The following FAM89A variants were observed in gnomAD, a reference collection of about 807,000 sequenced individuals.
FAM89A encodes protein FAM89A.
Under a neutral mutation model 7.1 loss-of-function variants are expected in FAM89A, and 10 were observed. That is an observed-to-expected ratio of 1.40 (90% CI 0.86 to 2.38). The LOEUF is 2.38. Ranked by LOEUF, FAM89A falls within the 30% of genes most tolerant of loss-of-function variation. The pLI is 0.00. For synonymous variants in FAM89A, 157 were observed against 129.3 expected (o/e 1.21, Z -1.45); for missense variants, 276 against 262.8 (o/e 1.05, Z -0.35).
At chr1:231,022,290 T>C in intron 1 of FAM89A, 1 of 696,146 alleles carries the variant, frequency 1.4e-6, no homozygotes, top group Non-Finnish European at 2.6e-6. Flanking sequence ...CCACGTCTGA[T>C]ATGTAAACTG....
intron 1 of FAM89A, among the ~76,000 whole-genome samples, chr1:231,023,763 C>G (rs905465309): frequency 1.3e-4 from 20 of 152,176 alleles, no homozygotes; most frequent in Admixed American, 5.2e-4. Flanking sequence ...ATCCTCAGCT[C>G]CCATCATTGT....
chr1:231,021,037 T>C (rs531837145), intron 1 of FAM89A, among the ~76,000 whole-genome samples: 4 of 152,256 alleles, frequency 2.6e-5, no homozygotes, highest in Admixed American at 2.6e-4. Flanking sequence ...CACCCGGGGA[T>C]CTTGTTCAAC....
At chr1:231,028,465 A>G (rs1680009731) in intron 1 of FAM89A, 2 of 152,262 alleles carry the variant, frequency 1.3e-5, no homozygotes, top group Non-Finnish European at 2.9e-5. Context: ...TCACCCTTCC[A>G]GAAAAAGAGT....
chr1:231,025,837 TGA>T (rs1358692068), intron 1 of FAM89A, among the ~76,000 whole-genome samples: 20 of 152,072 alleles, frequency 1.3e-4, no homozygotes, highest in South Asian at 6.3e-4. Flanking sequence ...AGTACCCAGA[TGA>T]TGCTGATGCT....
At chr1:231,027,516 G>A (rs983964914) in intron 1 of FAM89A, among the ~76,000 whole-genome samples, 4 of 152,126 alleles carry the variant, frequency 2.6e-5, no homozygotes, top group Admixed American at 2.6e-4. Context: ...CTGTCTTCAG[G>A]CACCAGACTA....
intron 1 of FAM89A, among the ~76,000 whole-genome samples, chr1:231,020,392 C>T (rs1307818152): frequency 6.6e-6 from 1 of 152,182 alleles, no homozygotes; most frequent in African/African-American, 2.4e-5. Context: ...CCCTGGCGCT[C>T]CTGAGTGTGC....
chr1:231,029,795 A>G (rs1201320941), intron 1 of FAM89A, among the ~76,000 whole-genome samples: 1 of 152,242 alleles, frequency 6.6e-6, no homozygotes, highest in East Asian at 1.9e-4. Flanking sequence ...ATGAATGAGT[A>G]AGTATATACA....
At chr1:231,033,536 C>T (rs988543869) in intron 1 of FAM89A, among the ~76,000 whole-genome samples, 1 of 152,174 alleles carries the variant, frequency 6.6e-6, no homozygotes, top group Non-Finnish European at 1.5e-5. Context: ...GAGACCAGGA[C>T]CCAGAGCAGG....
intron 1 of FAM89A, among the ~76,000 whole-genome samples, 184 bp downstream of exon 1, chr1:231,039,737 A>G (rs1354827598): frequency 6.6e-6 from 1 of 151,974 alleles, no homozygotes; most frequent in Admixed American, 6.5e-5. Context: ...GGGGGTTCCA[A>G]TCGTGGGCAC....
chr1:231,030,250 T>C (rs551024252), intron 1 of FAM89A, among the ~76,000 whole-genome samples: 1 of 152,312 alleles, frequency 6.6e-6, no homozygotes, highest in South Asian at 2.1e-4. Context: ...TAAAGCGCCA[T>C]CAGGATTCAG....
intron 1 of FAM89A, among the ~76,000 whole-genome samples, chr1:231,032,145 T>C (rs566212650): frequency 6.6e-6 from 1 of 152,388 alleles, no homozygotes; most frequent in South Asian, 2.1e-4. Flanking sequence ...TTTAGCTGTA[T>C]GAAGATTTAA....
At chr1:231,033,013 C>T (rs761495552) in intron 1 of FAM89A, among the ~76,000 whole-genome samples, 1 of 152,248 alleles carries the variant, frequency 6.6e-6, no homozygotes, top group East Asian at 1.9e-4. Context: ...GGAAAGGCCA[C>T]ATGTCTTAAT....
At chr1:231,038,417 G>A (rs1014745221) in intron 1 of FAM89A, among the ~76,000 whole-genome samples, 4 of 152,166 alleles carry the variant, frequency 2.6e-5, no homozygotes, top group African/African-American at 7.2e-5. Context: ...CGGCCCCGAG[G>A]TTTTTCTATC....
intron 1 of FAM89A, among the ~76,000 whole-genome samples, chr1:231,025,163 C>A (rs1679946212): frequency 6.7e-6 from 1 of 149,952 alleles, no homozygotes; most frequent in Non-Finnish European, 1.5e-5. Flanking sequence ...ACCTTGTGAT[C>A]CACCCGCCTC....
intron 1 of FAM89A, among the ~76,000 whole-genome samples, chr1:231,027,814 C>T (rs1384004571): frequency 3.9e-5 from 6 of 152,202 alleles, no homozygotes; most frequent in Admixed American, 2.6e-4. Context: ...CTCGACCACC[C>T]GCCCTGTACC....
intron 1 of FAM89A, among the ~76,000 whole-genome samples, chr1:231,033,607 T>G (rs1028242668): frequency 1.3e-5 from 2 of 152,196 alleles, no homozygotes; most frequent in African/African-American, 4.8e-5. Context: ...TGAGGCTATC[T>G]GCAAATGAAG....
At chr1:231,038,964 G>T (rs751224944) in intron 1 of FAM89A, among the ~76,000 whole-genome samples, 3 of 152,218 alleles carry the variant, frequency 2.0e-5, no homozygotes, top group Non-Finnish European at 2.9e-5. Context: ...TGGACGAGGT[G>T]AATGGAAAGG....
At position 231,019,770 on chromosome 1, in the gene FAM89A, A is replaced by G. The variant is rs1334619017; in HGVS notation, c.*93T>C. ...TCCCCTGTGCCCGAGGACCGTCCACAACGGAGGTGCTTTCTTGCAAGAGAA... is the reference window on the plus strand; with the variant it reads ...TCCCCTGTGCCCGAGGACCGTCCACGACGGAGGTGCTTTCTTGCAAGAGAA... On this transcript the variant is annotated 3_prime_UTR_variant, in exon 2 of 2. Transcript: ENST00000366654. 6.9e-7 allele frequency: 1 copy of G among 1,442,070 alleles called. No individual in the cohort carries two copies. Among genetic ancestry groups the G allele is most frequent in the Non-Finnish European group, 9.4e-7 (1 of 1,058,292 alleles). 89.3% of individuals were successfully genotyped at this position (1,442,070 alleles called of 1,614,324 possible).
At position 231,039,976 on chromosome 1, in the gene FAM89A, A is replaced by T. The variant is rs1169787306; in HGVS notation, c.236T>A (p.Leu79Gln). 7.3e-6 allele frequency: 10 copies of T among 1,374,390 alleles called. No individual in the cohort carries two copies. The highest frequency in any genetic ancestry group is 1.5e-5 in the African/African-American group (1 of 65,464). 85.1% of individuals were successfully genotyped at this position (1,374,390 alleles called of 1,614,324 possible). ...PGGGGARAAA[L>Q]PAKPPNLDAA... Reference sequence around the variant, plus strand: ...GTCCAGGTTGGGAGGCTTGGCGGGCAGCGCTGCCGCCCGGGCCCCGCCGCC... The same window carrying T: ...GTCCAGGTTGGGAGGCTTGGCGGGCTGCGCTGCCGCCCGGGCCCCGCCGCC... The change falls in exon 1 of 2, where the codon CTG (leucine) becomes CAG (glutamine). Residue 79 changes from leucine to glutamine, a missense_variant. Leu to Gln is a moderately radical substitution (Grantham distance 113, BLOSUM62 -2). Coordinates refer to ENST00000366654, the MANE Select transcript of FAM89A (RefSeq NM_198552.3).
Sources: gnomAD v4.1 joint callset for allele counts (sites outside exome capture counted in the v4.1 genomes callset) on GRCh38, gnomAD v4.1.1 for gene constraint, MANE v1.5 for transcripts, NCBI Gene and HGNC (gene_info 2026-07-23, HGNC 2026-07-21) for gene names.